AJAP1: variants seen among roughly 807,000 people sequenced by gnomAD.
AJAP1 encodes the protein adherens junction-associated protein 1.
In AJAP1, 5 loss-of-function variants were observed where a neutral mutation model predicts 35.0. The ratio of observed to expected loss-of-function variants is 0.14; its 90% confidence interval spans 0.07 to 0.30. The LOEUF (loss-of-function observed/expected upper bound fraction) is 0.30. AJAP1 is among the 10% of genes least tolerant of loss of function. The probability of loss-of-function intolerance (pLI) is 1.00; values close to 1 mark genes in which losing one functional copy is unlikely to be tolerated. For missense variants in AJAP1, 586 were observed against 571.0 expected (o/e 1.03, Z -0.27); for synonymous variants, 284 against 249.3 (o/e 1.14, Z -1.31).
intron 1 of AJAP1, among the ~76,000 whole-genome samples, chr1:4,674,496 T>A (rs528321350): frequency 6.6e-6 from 1 of 152,338 alleles, no homozygotes; most frequent in African/African-American, 2.4e-5. Flanking sequence ...TGTCTGGGCC[T>A]TTTCAGACAA....
chr1:4,673,313 A>C (rs1007927490), intron 1 of AJAP1, among the ~76,000 whole-genome samples: 1 of 152,208 alleles, frequency 6.6e-6, no homozygotes, highest in South Asian at 2.1e-4. Context: ...CACAGGATGC[A>C]TGAGTGAGGT....
chr1:4,712,795 G>A, intron 2 of AJAP1, 96 bp downstream of exon 2: 1 of 1,310,468 alleles, frequency 7.6e-7, no homozygotes. Flanking sequence ...GTGATGCTAT[G>A]TGTGGAGGCT....
chr1:4,707,771 G>A (rs959106279), intron 1 of AJAP1, among the ~76,000 whole-genome samples: 1 of 151,976 alleles, frequency 6.6e-6, no homozygotes, highest in African/African-American at 2.4e-5. Flanking sequence ...CCTAAGAGAG[G>A]GGCAGCAGGG....
intron 1 of AJAP1, among the ~76,000 whole-genome samples, chr1:4,688,301 A>G (rs1053842445): frequency 6.6e-6 from 1 of 152,164 alleles, no homozygotes; most frequent in African/African-American, 2.4e-5. Context: ...CATCCAAGAG[A>G]GACAGTGAGA....
At chr1:4,740,742 C>T (rs1327368668) in intron 2 of AJAP1, among the ~76,000 whole-genome samples, 2 of 135,260 alleles carry the variant, frequency 1.5e-5, no homozygotes, top group East Asian at 4.2e-4. Flanking sequence ...GCCGAGATCG[C>T]ACCACTGCAC....
chr1:4,746,146 C>T (rs1641181780), intron 2 of AJAP1, among the ~76,000 whole-genome samples: 2 of 152,204 alleles, frequency 1.3e-5, no homozygotes, highest in South Asian at 2.1e-4. Context: ...GAGCCTTCCT[C>T]GCTGCTTCCA....
chr1:4,698,971 G>A (rs146731059), intron 1 of AJAP1, among the ~76,000 whole-genome samples: 2,385 of 152,280 alleles, frequency 0.016, 50 homozygotes, highest in Admixed American at 0.028. Context: ...CCTTGCTCCT[G>A]GTTCCCCGGT....
chr1:4,760,865 A>G (rs189189758), intron 2 of AJAP1, among the ~76,000 whole-genome samples: 4 of 152,300 alleles, frequency 2.6e-5, no homozygotes, highest in African/African-American at 7.2e-5. Flanking sequence ...TGCCATACAT[A>G]AAGTGCCCAC....
intron 5 of AJAP1, among the ~76,000 whole-genome samples, chr1:4,776,667 C>T (rs1641946344): frequency 6.6e-6 from 1 of 152,246 alleles, no homozygotes; most frequent in African/African-American, 2.4e-5. Context: ...ACTGAAGACC[C>T]CCCAGAAATA....
At chr1:4,717,327 A>G (rs916178993) in intron 2 of AJAP1, among the ~76,000 whole-genome samples, 1 of 152,156 alleles carries the variant, frequency 6.6e-6, no homozygotes, top group African/African-American at 2.4e-5. Context: ...GCATGCTGGC[A>G]TCTGGCCCCA....
At chr1:4,676,392 C>A (rs1639363633) in intron 1 of AJAP1, among the ~76,000 whole-genome samples, 1 of 152,200 alleles carries the variant, frequency 6.6e-6, no homozygotes, top group Non-Finnish European at 1.5e-5. Context: ...TGAAACACAT[C>A]TGGGTGCATC....
At chr1:4,749,680 A>G (rs1196842663) in intron 2 of AJAP1, among the ~76,000 whole-genome samples, 1 of 152,222 alleles carries the variant, frequency 6.6e-6, no homozygotes, top group African/African-American at 2.4e-5. Flanking sequence ...CAGTGACCCC[A>G]ACTCCTTAGG....
chr1:4,781,037 C>A (rs142764172), intron 5 of AJAP1, among the ~76,000 whole-genome samples: 20 of 152,296 alleles, frequency 1.3e-4, no homozygotes, highest in African/African-American at 4.8e-4. Flanking sequence ...TCCAGCCCCT[C>A]ACCTCTACCT....
At chr1:4,667,916 G>T (rs1297259626) in intron 1 of AJAP1, among the ~76,000 whole-genome samples, 1 of 152,184 alleles carries the variant, frequency 6.6e-6, no homozygotes, top group African/African-American at 2.4e-5. Context: ...CCTCCCTAAA[G>T]AATGCCGTTA....
chr1:4,670,104 C>T (rs1639217445), intron 1 of AJAP1, among the ~76,000 whole-genome samples: 1 of 152,124 alleles, frequency 6.6e-6, no homozygotes, highest in South Asian at 2.1e-4. Flanking sequence ...ATGGTGACCC[C>T]CTACCATTTA....
intron 1 of AJAP1, among the ~76,000 whole-genome samples, chr1:4,667,099 G>A (rs994936117): frequency 6.6e-6 from 1 of 152,106 alleles, no homozygotes; most frequent in Non-Finnish European, 1.5e-5. Context: ...TAAGCAGAGG[G>A]AGGGAGAGGC....
chr1:4,725,239 A>G (rs1249114224), intron 2 of AJAP1, among the ~76,000 whole-genome samples: 1 of 152,210 alleles, frequency 6.6e-6, no homozygotes, highest in African/African-American at 2.4e-5. Context: ...GAAGGTTTCA[A>G]GTTCCCTGGA....
At chr1:4,674,035 C>A (rs535965835) in intron 1 of AJAP1, among the ~76,000 whole-genome samples, 117 of 139,218 alleles carry the variant, frequency 8.4e-4, no homozygotes, top group Middle Eastern at 3.4e-3. Context: ...CTTATCCCCC[C>A]CGCCACCAAA....
intron 2 of AJAP1, among the ~76,000 whole-genome samples, chr1:4,753,953 T>A: frequency 6.6e-6 from 1 of 152,206 alleles, no homozygotes; most frequent in East Asian, 1.9e-4. Flanking sequence ...TTTTGTTTTT[T>A]CTCTTTGGTT....
Sources: allele counts gnomAD v4.1 joint callset (sites outside exome capture counted in the v4.1 genomes callset), GRCh38; gene constraint gnomAD v4.1.1; transcripts MANE v1.5; gene names NCBI Gene and HGNC (gene_info 2026-07-23, HGNC 2026-07-21).